ICA1L: variants seen among roughly 807,000 people sequenced by gnomAD.
ICA1L encodes the protein islet cell autoantigen 1 like.
In ICA1L, 50 loss-of-function variants were observed where a neutral mutation model predicts 61.3. The observed-to-expected ratio is 0.82, with a 90% CI of 0.65 to 1.03. The LOEUF (loss-of-function observed/expected upper bound fraction) is 1.03. ICA1L is among the 50% of genes least tolerant of loss of function. The probability of loss-of-function intolerance (pLI) is 0.00; values close to 1 mark genes in which losing one functional copy is unlikely to be tolerated. For missense variants in ICA1L, 508 were observed against 556.7 expected (o/e 0.91, Z 0.88); for synonymous variants, 161 against 191.3 (o/e 0.84, Z 1.31).
At chr2:202,848,030 T>G (rs541038818) in intron 1 of ICA1L, among the ~76,000 whole-genome samples, 1 of 152,210 alleles carries the variant, frequency 6.6e-6, no homozygotes, top group South Asian at 2.1e-4. Context: ...AACTAAACAT[T>G]GAGTACACAT....
At chr2:202,796,143 C>T (rs1436991734) in intron 10 of ICA1L, among the ~76,000 whole-genome samples, 2 of 150,178 alleles carry the variant, frequency 1.3e-5, no homozygotes, top group Non-Finnish European at 3.0e-5. Context: ...CAAATGAATT[C>T]AAGACCTAAA....
chr2:202,811,887 T>A, intron 8 of ICA1L, 98 bp from the exon 9 acceptor site: 1 of 827,706 alleles, frequency 1.2e-6, no homozygotes, highest in Non-Finnish European at 2.0e-6. Context: ...AATTTTCTAC[T>A]CAGGAAACAT....
intron 10 of ICA1L, among the ~76,000 whole-genome samples, chr2:202,792,588 A>G (rs1312739360): frequency 6.6e-6 from 1 of 152,082 alleles, no homozygotes; most frequent in African/African-American, 2.4e-5. Context: ...GCAGATCACA[A>G]GGTCAGGAGA....
chr2:202,774,430 G>T lies in ICA1L; in HGVS notation c.*5103C>A. On this transcript the variant is annotated 3_prime_UTR_variant, in exon 13 of 13. Transcript: ENST00000358299. ...GCCAGGGTCGAGCCCCTGGCTCCCCGTTCGTCCAGGCCAGCTCAAGAAACA... is the reference window on the plus strand; with the variant it reads ...GCCAGGGTCGAGCCCCTGGCTCCCCTTTCGTCCAGGCCAGCTCAAGAAACA... The T allele has an allele frequency of 1.4e-6, 1 of 722,868 alleles. No homozygotes were observed. The highest frequency in any genetic ancestry group is 2.6e-5 in the South Asian group (1 of 38,484). The allele number at this position is 722,868 out of a possible 1,614,324, so 44.8% of individuals were successfully genotyped here. A position where few individuals can be genotyped will look rare whatever the true frequency, so the allele number is the denominator to read the frequency against.
intron 1 of ICA1L, among the ~76,000 whole-genome samples, chr2:202,852,367 AG>A (rs1694649451): frequency 1.3e-5 from 2 of 152,090 alleles, no homozygotes; most frequent in South Asian, 4.1e-4. Context: ...TCCCACCAAC[AG>A]TGTAAAAGTG....
intron 10 of ICA1L, among the ~76,000 whole-genome samples, chr2:202,795,457 T>C (rs1399731447): frequency 6.6e-6 from 1 of 152,010 alleles, no homozygotes; most frequent in Non-Finnish European, 1.5e-5. Flanking sequence ...TAGCCAGGCA[T>C]GGTGGCGGAT....
At chr2:202,850,596 A>G (rs950552650) in intron 1 of ICA1L, among the ~76,000 whole-genome samples, 1 of 152,194 alleles carries the variant, frequency 6.6e-6, no homozygotes, top group African/African-American at 2.4e-5. Context: ...AGAAAAAAGA[A>G]TGAAAAGGAA....
At chr2:202,793,196 AAATTT>A (rs761868967) in intron 10 of ICA1L, among the ~76,000 whole-genome samples, 4 of 152,148 alleles carry the variant, frequency 2.6e-5, no homozygotes, top group African/African-American at 7.2e-5. Flanking sequence ...TATTGCAAAT[AAATTT>A]AAAAGTCTAC....
intron 9 of ICA1L, among the ~76,000 whole-genome samples, chr2:202,804,664 C>G (rs1157841483): frequency 6.6e-6 from 1 of 152,182 alleles, no homozygotes; most frequent in Non-Finnish European, 1.5e-5. Context: ...AAATAACAAG[C>G]TTGATTTAAC....
intron 1 of ICA1L, chr2:202,841,464 T>C (rs1417945021): frequency 2.1e-6 from 2 of 945,366 alleles, no homozygotes; most frequent in Non-Finnish European, 3.4e-6. Context: ...GTACCTTGTC[T>C]ATGGAGGAGG....
intron 1 of ICA1L, among the ~76,000 whole-genome samples, chr2:202,843,428 G>A (rs735039): frequency 0.039 from 5,939 of 152,246 alleles, 374 homozygotes; most frequent in African/African-American, 0.13. Context: ...CTGCAGTGGC[G>A]CAAGAGTTGT....
intron 10 of ICA1L, among the ~76,000 whole-genome samples, chr2:202,791,511 C>T (rs977342222): frequency 8.5e-5 from 13 of 152,186 alleles, no homozygotes; most frequent in African/African-American, 3.1e-4. Context: ...AGTCTCAACA[C>T]CATCAGTCAC....
chr2:202,812,319 C>T (rs1208926536), intron 8 of ICA1L, among the ~76,000 whole-genome samples: 1 of 152,212 alleles, frequency 6.6e-6, no homozygotes, highest in Non-Finnish European at 1.5e-5. Flanking sequence ...TGGCTCACGC[C>T]TGTAATCCCA....
chr2:202,854,969 A>C (rs1369374634), intron 1 of ICA1L, among the ~76,000 whole-genome samples: 1 of 152,132 alleles, frequency 6.6e-6, no homozygotes, highest in African/African-American at 2.4e-5. Context: ...GAGGTCTCAA[A>C]AAACAAACAA....
chr2:202,808,025 G>C (rs1426843407), intron 9 of ICA1L, among the ~76,000 whole-genome samples: 1 of 152,162 alleles, frequency 6.6e-6, no homozygotes, highest in Non-Finnish European at 1.5e-5. Context: ...GCCGGCTTCA[G>C]GTGTGACCCA....
intron 8 of ICA1L, among the ~76,000 whole-genome samples, chr2:202,813,127 G>C (rs868371777): frequency 3.3e-5 from 5 of 152,042 alleles, no homozygotes; most frequent in Admixed American, 6.6e-5. Flanking sequence ...GGGCTTAGTA[G>C]TGCATGCCTG....
At chr2:202,864,851 T>C (rs2105892509) in intron 1 of ICA1L, among the ~76,000 whole-genome samples, 1 of 152,118 alleles carries the variant, frequency 6.6e-6, no homozygotes, top group Admixed American at 6.5e-5. Context: ...AAACTCCATC[T>C]CTACTAAAAA....
chr2:202,855,899 C>T (rs1400608405), intron 1 of ICA1L, among the ~76,000 whole-genome samples: 3 of 152,008 alleles, frequency 2.0e-5, no homozygotes, highest in Non-Finnish European at 4.4e-5. Context: ...CATCGTGAAA[C>T]CCCGTCTCTA....
chr2:202,854,780 C>A (rs917949061), intron 1 of ICA1L, among the ~76,000 whole-genome samples: 3 of 152,186 alleles, frequency 2.0e-5, no homozygotes, highest in African/African-American at 4.8e-5. Flanking sequence ...GTAATCCCAG[C>A]ACTTTGGGAG....
Sources: allele counts gnomAD v4.1 joint callset (sites outside exome capture counted in the v4.1 genomes callset), GRCh38; gene constraint gnomAD v4.1.1; transcripts MANE v1.5; gene names NCBI Gene and HGNC (gene_info 2026-07-23, HGNC 2026-07-21).